COL21A1: variants seen among roughly 807,000 people sequenced by gnomAD.
COL21A1 encodes collagen alpha-1(XXI) chain.
In COL21A1, 149 loss-of-function variants were observed where a neutral mutation model predicts 137.9. The observed-to-expected ratio is 1.08, with a 90% CI of 0.95 to 1.24. The LOEUF (loss-of-function observed/expected upper bound fraction) is 1.24. Ranked by LOEUF, COL21A1 falls within the 50% of genes most tolerant of loss-of-function variation. COL21A1 has a pLI of 0.00. For missense variants in COL21A1, 1,167 were observed against 1,158.4 expected, an observed-to-expected ratio of 1.01 and a Z score of -0.11; for synonymous variants, 456 against 391.5, an observed-to-expected ratio of 1.16 and a Z score of -1.95.
rs114369279 is a variant in COL21A1, at chr6:56,272,279, G to A, written c.-38-89623C>T. Among the ~76,000 whole-genome samples, 1,185 of 152,356 alleles carry A rather than the reference G, an allele frequency of 7.8e-3. 9 individuals carry two copies. Among genetic ancestry groups the A allele is most frequent in the Non-Finnish European group, 0.013 (864 of 68,034 alleles). On this transcript the variant is annotated intron_variant, in intron 1 of 28. Transcript: ENST00000370819. ...GGATGTGAGACCTGGAGTCATAGGA[G>A]ATTATTTTGGAGCTTTAAGATTTAA...
chr6:56,172,072 A>AG (rs1029926393), intron 3 of COL21A1, among the ~76,000 whole-genome samples: 2 of 151,388 alleles, frequency 1.3e-5, no homozygotes, highest in South Asian at 2.1e-4. Flanking sequence ...AGTTCCAGAA[A>AG]AAAAAAAAAG....
chr6:56,111,851 G>A (rs903941411), intron 16 of COL21A1, among the ~76,000 whole-genome samples: 1 of 152,074 alleles, frequency 6.6e-6, no homozygotes, highest in African/African-American at 2.4e-5. Flanking sequence ...TTCAGCCTGG[G>A]TGTCAAGGGT....
chr6:56,089,523 T>G lies in COL21A1; in HGVS notation c.1812+11949A>C, dbSNP rs9464338. Among the ~76,000 whole-genome samples, 532 of 152,286 alleles carry G rather than the reference T, an allele frequency of 3.5e-3. 5 individuals carry two copies. Among genetic ancestry groups the G allele is most frequent in the African/African-American group, 0.012 (506 of 41,572 alleles). On this transcript the variant is annotated intron_variant, in intron 17 of 29. Coordinates refer to ENST00000244728, the MANE Select transcript of COL21A1 (RefSeq NM_030820.4). ...AACTGTCAAAACGTTCCAAAAAAAT[T>G]TTTCACTATATGTATTGAAAAAAAT...
intron 16 of COL21A1, among the ~76,000 whole-genome samples, chr6:56,122,862 A>G (rs761348977): frequency 6.6e-6 from 1 of 152,130 alleles, no homozygotes; most frequent in Non-Finnish European, 1.5e-5. Context: ...GGTAACATTT[A>G]CTCTATTTTC....
chr6:56,069,862 GTTAAA>G (rs1766594630), intron 21 of COL21A1, among the ~76,000 whole-genome samples: 1 of 151,000 alleles, frequency 6.6e-6, no homozygotes. Flanking sequence ...CATCCTGGTA[GTTAAA>G]TTTAATTATT....
chr6:56,357,971 A>G (rs1490520978), intron 1 of COL21A1, among the ~76,000 whole-genome samples: 2 of 152,146 alleles, frequency 1.3e-5, no homozygotes, highest in Non-Finnish European at 2.9e-5. Flanking sequence ...AAATACCTCA[A>G]TTTCTTCGTA....
intron 1 of COL21A1, among the ~76,000 whole-genome samples, chr6:56,312,696 C>T (rs1562051143): frequency 7.3e-6 from 1 of 137,474 alleles, no homozygotes; most frequent in African/African-American, 2.6e-5. Context: ...TTTGGGAGGC[C>T]GAAAAATATG....
intron 1 of COL21A1, among the ~76,000 whole-genome samples, chr6:56,358,803 ATTTATTAATAT>A (rs1765897334): frequency 6.6e-6 from 1 of 152,224 alleles, no homozygotes; most frequent in African/African-American, 2.4e-5. Context: ...GAAAAGTCAC[ATTTATTAATAT>A]TTTAAATTGC....
At chr6:56,334,608 T>C (rs1319976019) in intron 1 of COL21A1, among the ~76,000 whole-genome samples, 1 of 152,204 alleles carries the variant, frequency 6.6e-6, no homozygotes, top group Non-Finnish European at 1.5e-5. Flanking sequence ...CATTAGCTTA[T>C]AATTCAGTAA....
chr6:56,314,862 T>C (rs1242910209), intron 1 of COL21A1, among the ~76,000 whole-genome samples: 4 of 152,132 alleles, frequency 2.6e-5, no homozygotes, highest in African/African-American at 9.7e-5. Flanking sequence ...GCAGTAACTG[T>C]AAACCCAAGC....
rs76620861 is a variant in COL21A1, at chr6:56,175,401, G to A, written c.640+4177C>T. 3.6e-3 allele frequency among the ~76,000 whole-genome samples: 553 copies of A among 151,906 alleles called. 9 individuals are homozygous for A. Among genetic ancestry groups the A allele is most frequent in the Admixed American group, 0.025 (387 of 15,266 alleles). Reference sequence around the variant, plus strand: ...AAAACCCTAATGATTATACATAAAAGACTCCATGCCAAAAAAAATGGTTAG... The same window carrying A: ...AAAACCCTAATGATTATACATAAAAAACTCCATGCCAAAAAAAATGGTTAG... On this transcript the variant is annotated intron_variant, in intron 3 of 29. Transcript: ENST00000244728.
At chr6:56,084,148 T>C (rs889331112) in intron 17 of COL21A1, among the ~76,000 whole-genome samples, 3 of 151,876 alleles carry the variant, frequency 2.0e-5, no homozygotes, top group Non-Finnish European at 4.4e-5. Context: ...ATAATTTATA[T>C]TTTAAACCAG....
chr6:56,361,647 C>A (rs1025649166), intron 1 of COL21A1, among the ~76,000 whole-genome samples: 2 of 151,866 alleles, frequency 1.3e-5, no homozygotes, highest in African/African-American at 4.8e-5. Context: ...TAATAGGAAA[C>A]TCTGGTTGGC....
At chr6:56,215,441 T>C (rs554175404) in intron 1 of COL21A1, among the ~76,000 whole-genome samples, 2 of 152,150 alleles carry the variant, frequency 1.3e-5, no homozygotes, top group East Asian at 1.9e-4. Context: ...TGGATCAAGA[T>C]GGAAATGTTT....
chr6:56,364,289 G>A (rs9464382), intron 1 of COL21A1, among the ~76,000 whole-genome samples: 11,110 of 151,814 alleles, frequency 0.073, 632 homozygotes, highest in African/African-American at 0.15. Flanking sequence ...AAACCTAGGC[G>A]GCGACCTTTC....
chr6:56,337,525 GTTT>G (rs1765357204), intron 1 of COL21A1, among the ~76,000 whole-genome samples: 1 of 152,182 alleles, frequency 6.6e-6, no homozygotes, highest in African/African-American at 2.4e-5. Flanking sequence ...CAGGTTTCTG[GTTT>G]AGGGCTTCAG....
intron 1 of COL21A1, among the ~76,000 whole-genome samples, chr6:56,266,364 A>G (rs2152331616): frequency 6.6e-6 from 1 of 152,342 alleles, no homozygotes; most frequent in South Asian, 2.1e-4. Flanking sequence ...ATAAAGTTTC[A>G]TTGGAACACA....
chr6:56,151,965 T>C (rs886705890), intron 10 of COL21A1, among the ~76,000 whole-genome samples: 3 of 152,160 alleles, frequency 2.0e-5, no homozygotes, highest in East Asian at 1.9e-4. Flanking sequence ...GCTGGATATT[T>C]AAGAAAAAGT....
intron 1 of COL21A1, among the ~76,000 whole-genome samples, chr6:56,201,143 A>T (rs1779380039): frequency 6.6e-6 from 1 of 151,696 alleles, no homozygotes; most frequent in African/African-American, 2.4e-5. Flanking sequence ...CCACTTTTTG[A>T]TGGGGTTGTT....
Sources: gnomAD v4.1 joint callset for allele counts (sites outside exome capture counted in the v4.1 genomes callset) on GRCh38, gnomAD v4.1.1 for gene constraint, MANE v1.5 for transcripts, NCBI Gene and HGNC (gene_info 2026-07-23, HGNC 2026-07-21) for gene names.